ELMO1: variants seen among roughly 807,000 people sequenced by gnomAD.
ELMO1 encodes engulfment and cell motility 1.
Under a neutral mutation model 98.9 loss-of-function variants are expected in ELMO1, and 26 were observed. That is an observed-to-expected ratio of 0.26 (90% confidence interval 0.19 to 0.36). ELMO1 has a LOEUF of 0.36. Ranked by LOEUF, ELMO1 falls within the 10% of genes least tolerant of loss-of-function variation. The pLI is 1.00. For synonymous variants in ELMO1, 346 were observed against 346.0 expected, an observed-to-expected ratio of 1.00 and a Z score of 0.00; for missense variants, 627 against 935.2, an observed-to-expected ratio of 0.67 and a Z score of 4.30.
chr7:37,259,064 G>A, intron 6 of ELMO1, 117 bp downstream of exon 6: 1 of 1,197,168 alleles, frequency 8.4e-7, no homozygotes, highest in Non-Finnish European at 1.1e-6. Context: ...TTTTTTTCCT[G>A]AGTCTAACCA....
chr7:36,868,036 T>C (rs548356341), intron 20 of ELMO1, among the ~76,000 whole-genome samples: 26 of 152,334 alleles, frequency 1.7e-4, no homozygotes, highest in African/African-American at 6.0e-4. Flanking sequence ...TTTATGGTGC[T>C]GTTCAGGTCA....
At chr7:36,995,758 A>G (rs1228568006) in intron 16 of ELMO1, among the ~76,000 whole-genome samples, 1 of 152,210 alleles carries the variant, frequency 6.6e-6, no homozygotes, top group Non-Finnish European at 1.5e-5. Flanking sequence ...GTAAGTAACA[A>G]TGAAATGAAC....
chr7:37,006,329 G>C (rs1297556114), intron 16 of ELMO1, among the ~76,000 whole-genome samples: 1 of 152,212 alleles, frequency 6.6e-6, no homozygotes, highest in Non-Finnish European at 1.5e-5. Flanking sequence ...TATTTGTATA[G>C]GACAATTTGC....
At chr7:36,937,992 C>T (rs1457373296) in intron 16 of ELMO1, among the ~76,000 whole-genome samples, 2 of 152,216 alleles carry the variant, frequency 1.3e-5, no homozygotes, top group African/African-American at 4.8e-5. Context: ...ATGGTCGCAT[C>T]CAGGAGTACA....
At chr7:37,104,755 C>G (rs1342841798) in intron 14 of ELMO1, among the ~76,000 whole-genome samples, 1 of 150,194 alleles carries the variant, frequency 6.7e-6, no homozygotes, top group Non-Finnish European at 1.5e-5. Flanking sequence ...GGGAAAAGGA[C>G]AAAAAACTTA....
At chr7:36,966,128 T>G (rs781393882) in intron 16 of ELMO1, among the ~76,000 whole-genome samples, 1 of 152,254 alleles carries the variant, frequency 6.6e-6, no homozygotes, top group Non-Finnish European at 1.5e-5. Context: ...TCTGAGGACC[T>G]CTGGCTGCCT....
chr7:37,271,966 T>C, intron 4 of ELMO1, 84 bp from the exon 5 acceptor site: 3 of 1,137,374 alleles, frequency 2.6e-6, no homozygotes, highest in Admixed American at 1.9e-5. Context: ...ATCTAGCAGA[T>C]ATAACAGGCA....
intron 1 of ELMO1, among the ~76,000 whole-genome samples, chr7:37,379,063 G>A (rs1023486717): frequency 2.0e-5 from 3 of 150,612 alleles, no homozygotes; most frequent in South Asian, 2.1e-4. Flanking sequence ...TTTTTTAGAC[G>A]GAGTCTAGCT....
intron 13 of ELMO1, among the ~76,000 whole-genome samples, chr7:37,142,053 G>C (rs894624537): frequency 2.0e-5 from 3 of 152,120 alleles, no homozygotes; most frequent in Non-Finnish European, 4.4e-5. Flanking sequence ...TCCAATGTTG[G>C]AAAGTTTTTA....
chr7:36,875,120 G>A (rs921445392), intron 19 of ELMO1, among the ~76,000 whole-genome samples: 4 of 152,164 alleles, frequency 2.6e-5, no homozygotes, highest in African/African-American at 7.2e-5. Flanking sequence ...TTAAAAGCAC[G>A]TCTCATTTTT....
intron 20 of ELMO1, among the ~76,000 whole-genome samples, chr7:36,868,222 T>C (rs1213714099): frequency 6.6e-6 from 1 of 152,276 alleles, no homozygotes; most frequent in Non-Finnish European, 1.5e-5. Context: ...AGGATTATTA[T>C]GTCTTCTTGG....
chr7:37,349,056 TG>T (rs1801140722), intron 1 of ELMO1, among the ~76,000 whole-genome samples: 1 of 152,196 alleles, frequency 6.6e-6, no homozygotes, highest in Non-Finnish European at 1.5e-5. Context: ...GTGAACCGTG[TG>T]TCCCCTCCCC....
At chr7:37,018,626 G>A (rs975404148) in intron 15 of ELMO1, among the ~76,000 whole-genome samples, 5 of 151,770 alleles carry the variant, frequency 3.3e-5, no homozygotes, top group East Asian at 1.9e-4. Flanking sequence ...ACAGGTGCAC[G>A]ACACCACGCC....
chr7:37,359,007 G>A (rs759497377), intron 1 of ELMO1, among the ~76,000 whole-genome samples: 14 of 152,286 alleles, frequency 9.2e-5, no homozygotes, highest in South Asian at 6.2e-4. Flanking sequence ...AGTCATTGAC[G>A]AACCAGGATT....
At chr7:37,106,675 G>A (rs1784962874) in intron 14 of ELMO1, among the ~76,000 whole-genome samples, 1 of 150,042 alleles carries the variant, frequency 6.7e-6, no homozygotes, top group Non-Finnish European at 1.5e-5. Context: ...GGCATTGGGT[G>A]TGCCCTGTCA....
At chr7:37,415,419 C>T (rs1340134242) in intron 1 of ELMO1, among the ~76,000 whole-genome samples, 4 of 152,160 alleles carry the variant, frequency 2.6e-5, no homozygotes, top group Admixed American at 2.6e-4. Flanking sequence ...AGCATAGTTC[C>T]AGAGTCAGAG....
At chr7:36,935,358 T>C (rs1419176044) in intron 16 of ELMO1, among the ~76,000 whole-genome samples, 2 of 152,174 alleles carry the variant, frequency 1.3e-5, no homozygotes, top group African/African-American at 4.8e-5. Context: ...CAGTCTTGCA[T>C]ATATCTTTAT....
intron 20 of ELMO1, among the ~76,000 whole-genome samples, chr7:36,868,160 A>C (rs1803179842): frequency 6.6e-6 from 1 of 152,136 alleles, no homozygotes; most frequent in Non-Finnish European, 1.5e-5. Flanking sequence ...CTGTTCTATC[A>C]GTTTCATAAC....
intron 1 of ELMO1, among the ~76,000 whole-genome samples, chr7:37,429,027 TTG>T (rs766597627): frequency 5.7e-4 from 44 of 77,868 alleles, no homozygotes; most frequent in Non-Finnish European, 1.3e-3. Context: ...CAGGTTGTTG[TTG>T]TTGTTGTTGT....
Sources: gnomAD v4.1 joint callset for allele counts (sites outside exome capture counted in the v4.1 genomes callset) on GRCh38, gnomAD v4.1.1 for gene constraint, MANE v1.5 for transcripts, NCBI Gene and HGNC (gene_info 2026-07-23, HGNC 2026-07-21) for gene names.